Variants in SLC6A17 observed in about 807,000 individuals in gnomAD.
The protein encoded by SLC6A17 is solute carrier family 6 member 17.
Under a neutral mutation model 64.5 loss-of-function variants are expected in SLC6A17, and 21 were observed. That is an observed-to-expected ratio of 0.33 (90% CI 0.23 to 0.47). The LOEUF (loss-of-function observed/expected upper bound fraction) is 0.47, where lower values mean the gene tolerates loss of function less well. SLC6A17 is among the 20% of genes least tolerant of loss of function. SLC6A17 has a pLI of 1.00. For missense variants in SLC6A17, 682 were observed against 963.2 expected (o/e 0.71, Z 3.86); for synonymous variants, 372 against 399.5 (o/e 0.93, Z 0.82).
intron 6 of SLC6A17, 109 bp downstream of exon 6, chr1:110,176,848 G>T (rs990090268): frequency 7.7e-5 from 73 of 950,072 alleles, no homozygotes; most frequent in Non-Finnish European, 1.6e-5. Flanking sequence ...CCTGCTATGT[G>T]TTGGGTATCG....
chr1:110,164,267 C>T (rs553765258), intron 1 of SLC6A17, among the ~76,000 whole-genome samples: 2 of 152,274 alleles, frequency 1.3e-5, no homozygotes, highest in East Asian at 1.9e-4. Flanking sequence ...ACTCCCACAC[C>T]CAGTGATCTT....
chr1:110,201,180 T>C lies in SLC6A17; in HGVS notation c.*2736T>C, dbSNP rs1353359476. On this transcript the variant is annotated 3_prime_UTR_variant, in exon 12 of 12. Coordinates refer to ENST00000331565, the MANE Select transcript of SLC6A17 (RefSeq NM_001010898.4). ...GACCCCAAGAGGGATCTCATAGCACTGCTGCATTTGCCGTTGACGCAGTCC... is the reference window on the plus strand; with the variant it reads ...GACCCCAAGAGGGATCTCATAGCACCGCTGCATTTGCCGTTGACGCAGTCC... 1.3e-5 allele frequency: 2 copies of C among 152,248 alleles called. No individual in the cohort carries two copies. Among genetic ancestry groups the C allele is most frequent in the Non-Finnish European group, 2.9e-5 (2 of 68,044 alleles). 9.4% of individuals were successfully genotyped at this position (152,248 alleles called of 1,614,324 possible).
chr1:110,189,985 G>A (rs982984027), intron 6 of SLC6A17, among the ~76,000 whole-genome samples: 1 of 152,210 alleles, frequency 6.6e-6, no homozygotes, highest in Non-Finnish European at 1.5e-5. Context: ...TTTGACCAAT[G>A]TGTCTCTCTC....
chr1:110,175,563 T>C (rs1030678154), intron 5 of SLC6A17, among the ~76,000 whole-genome samples: 1 of 152,172 alleles, frequency 6.6e-6, no homozygotes, highest in Non-Finnish European at 1.5e-5. Flanking sequence ...TGAGAAGGAT[T>C]GGATTAGAGA....
chr1:110,168,892 C>G (rs560683187), intron 2 of SLC6A17, among the ~76,000 whole-genome samples: 1 of 152,306 alleles, frequency 6.6e-6, no homozygotes, highest in East Asian at 1.9e-4. Context: ...AAAGAACTAC[C>G]CTAGAGGAAA....
intron 1 of SLC6A17, among the ~76,000 whole-genome samples, chr1:110,152,293 G>C (rs1251520435): frequency 6.6e-6 from 1 of 152,234 alleles, no homozygotes; most frequent in Admixed American, 6.5e-5. Context: ...CTGTGGCTAA[G>C]TAGGTGGTTG....
intron 2 of SLC6A17, among the ~76,000 whole-genome samples, chr1:110,169,329 C>T (rs1656155081): frequency 6.6e-6 from 1 of 152,196 alleles, no homozygotes; most frequent in African/African-American, 2.4e-5. Flanking sequence ...TCAATCTTTG[C>T]AACAGCCCTG....
chr1:110,184,672 C>T (rs1039100784), intron 6 of SLC6A17, among the ~76,000 whole-genome samples: 4 of 152,018 alleles, frequency 2.6e-5, no homozygotes, highest in South Asian at 2.1e-4. Flanking sequence ...GAGGAAGTGC[C>T]GAGGCTGGGA....
chr1:110,175,028 T>G, intron 5 of SLC6A17, 68 bp downstream of exon 5: 2 of 1,539,078 alleles, frequency 1.3e-6, no homozygotes, highest in Non-Finnish European at 1.8e-6. Context: ...GGCACAGGGC[T>G]AAGAATTCCA....
intron 9 of SLC6A17, 74 bp downstream of exon 9, chr1:110,194,845 ACTGGGTCCTTCATGACCC>A: frequency 6.4e-7 from 1 of 1,573,360 alleles, no homozygotes; most frequent in African/African-American, 1.3e-5. Flanking sequence ...CTGGCTTCTG[ACTGGGTCCTTCATGACCC>A]CACACCCAGA....
At chr1:110,183,463 G>A (rs1656584802) in intron 6 of SLC6A17, among the ~76,000 whole-genome samples, 1 of 152,198 alleles carries the variant, frequency 6.6e-6, no homozygotes, top group Admixed American at 6.5e-5. Flanking sequence ...TACTGGGCTT[G>A]TGGGGAGGTT....
Position 110,174,782 on chromosome 1 carries a change from T to C in SLC6A17, c.575T>C (p.Val192Ala), listed in dbSNP as rs1226939244. 1.9e-6 allele frequency: 3 copies of C among 1,613,702 alleles called. No homozygotes were observed. The highest frequency in any genetic ancestry group is 2.5e-6 in the Non-Finnish European group (3 of 1,179,830). Reference protein sequence around the residue: ...PVVRNGSVAVVEAECEKSSAT... With the variant: ...PVVRNGSVAVAEAECEKSSAT... ...GTGACCTTTGCTGCTATTTCAGTGG[T>C]GGAGGCAGAGTGTGAAAAGAGCTCA... Residue 192 changes from valine to alanine, a missense_variant, in exon 5 of 12, where the codon GTG becomes GCG. By Grantham distance (64) the Val-to-Ala change is moderately conservative. Coordinates refer to ENST00000331565, the MANE Select transcript of SLC6A17 (RefSeq NM_001010898.4).
intron 1 of SLC6A17, among the ~76,000 whole-genome samples, chr1:110,164,605 C>T (rs867693644): frequency 2.0e-5 from 3 of 152,172 alleles, no homozygotes; most frequent in African/African-American, 4.8e-5. Context: ...GTTCTTGGGC[C>T]CCCATCCCTC....
At chr1:110,187,196 TCGC>T (rs1656707979) in intron 6 of SLC6A17, among the ~76,000 whole-genome samples, 1 of 79,470 alleles carries the variant, frequency 1.3e-5, no homozygotes, top group South Asian at 4.4e-4. Context: ...AATGAACAAT[TCGC>T]TAATCAGGCA....
At chr1:110,172,488 C>A in intron 3 of SLC6A17, 1 of 406,338 alleles carries the variant, frequency 2.5e-6, no homozygotes, top group Non-Finnish European at 4.5e-6. Context: ...CACATGGGGC[C>A]GCCTGGGACA....
chr1:110,163,625 C>T (rs917203510), intron 1 of SLC6A17, among the ~76,000 whole-genome samples: 1 of 152,140 alleles, frequency 6.6e-6, no homozygotes, highest in African/African-American at 2.4e-5. Flanking sequence ...CAAGAGCACA[C>T]AGCTAGTGTG....
chr1:110,164,628 G>T (rs112541224), intron 1 of SLC6A17, among the ~76,000 whole-genome samples: 22 of 152,198 alleles, frequency 1.4e-4, no homozygotes, highest in African/African-American at 5.3e-4. Flanking sequence ...TGCGGGATGC[G>T]CATGGCGTCA....
At chr1:110,184,109 T>C (rs1656611271) in intron 6 of SLC6A17, among the ~76,000 whole-genome samples, 1 of 152,120 alleles carries the variant, frequency 6.6e-6, no homozygotes, top group South Asian at 2.1e-4. Flanking sequence ...GCCTGTTTTT[T>C]CTGTTTTTGT....
chr1:110,200,381 C>T lies in SLC6A17; in HGVS notation c.*1937C>T, dbSNP rs1438167245. ...ACATCCCACCGCAGTCCCCCTCACC[C>T]GACAACACCTCCTACCTGGCCCCTT... is the stretch of plus-strand genomic sequence containing the variant. On this transcript the variant is annotated 3_prime_UTR_variant, in exon 12 of 12. Transcript: ENST00000331565. 128 of 320,984 alleles carry T rather than the reference C, an allele frequency of 4.0e-4. 1 individual carries two copies. The East Asian group carries it at 5.0e-3, about 13-fold the overall frequency. 19.9% of individuals were successfully genotyped at this position (320,984 alleles called of 1,614,324 possible). A position where few individuals can be genotyped will look rare whatever the true frequency, so the allele number is the denominator to read the frequency against.
Sources: gnomAD v4.1 joint callset for allele counts (sites outside exome capture counted in the v4.1 genomes callset) on GRCh38, gnomAD v4.1.1 for gene constraint, MANE v1.5 for transcripts, NCBI Gene and HGNC (gene_info 2026-07-23, HGNC 2026-07-21) for gene names.